INPP4A: variants seen among roughly 807,000 people sequenced by gnomAD.
INPP4A encodes inositol polyphosphate-4-phosphatase type I A, also known as inositol polyphosphate-4-phosphatase, type I, 107kD.
A neutral mutation model predicts 119.8 loss-of-function variants in INPP4A; 33 were observed. The ratio of observed to expected loss-of-function variants is 0.28; its 90% CI spans 0.21 to 0.37. INPP4A has a LOEUF of 0.37. INPP4A is among the 10% of genes least tolerant of loss of function. The pLI is 1.00. For synonymous variants in INPP4A, 496 were observed against 500.7 expected (o/e 0.99, Z 0.12); for missense variants, 956 against 1,289.9 (o/e 0.74, Z 3.97).
intron 1 of INPP4A, among the ~76,000 whole-genome samples, chr2:98,449,444 C>G (rs1280561430): frequency 6.6e-6 from 1 of 152,156 alleles, no homozygotes; most frequent in African/African-American, 2.4e-5. Flanking sequence ...TCAAATTATC[C>G]TAGATTTGGC....
chr2:98,589,134 T>C lies in INPP4A; in HGVS notation c.*1526T>C, dbSNP rs1378999520. On this transcript the variant is annotated 3_prime_UTR_variant, in exon 25 of 25. Coordinates refer to ENST00000409851, the MANE Select transcript of INPP4A (RefSeq NM_001134225.2). The stretch of plus-strand genomic sequence containing the variant: ...CTCCCGATGCCTGCAGGGAGGAAAA[T>C]GTCTGTGAAGGACACTTTAATGAAG... 1.1e-5 allele frequency: 2 copies of C among 178,756 alleles called. No individual in the cohort carries two copies. Among genetic ancestry groups the C allele is most frequent in the East Asian group, 1.9e-4 (2 of 10,720 alleles). 11.1% of individuals were successfully genotyped at this position (178,756 alleles called of 1,614,324 possible).
chr2:98,458,706 C>T (rs1036884819), intron 1 of INPP4A, among the ~76,000 whole-genome samples: 1 of 152,164 alleles, frequency 6.6e-6, no homozygotes, highest in Non-Finnish European at 1.5e-5. Context: ...GAATGGGATG[C>T]TGCACATTTT....
In INPP4A at chr2:98,593,246, T is replaced by A. The variant is rs1260641981; in HGVS notation, c.*5638T>A. The A allele has an allele frequency of 6.6e-6, 1 of 152,342 alleles. No homozygotes were observed. 9.4% of individuals were successfully genotyped at this position (152,342 alleles called of 1,614,324 possible). A position where few individuals can be genotyped will look rare whatever the true frequency, so the allele number is the denominator to read the frequency against. On this transcript the variant is annotated 3_prime_UTR_variant, in exon 25 of 25. Coordinates refer to ENST00000409851, the MANE Select transcript of INPP4A (RefSeq NM_001134225.2). Reference sequence around the variant, plus strand: ...AACAGAAAAAGCTGAGCAGACAGGGTAGGAAACACACTTGCATCTCCATGG... The same window carrying A: ...AACAGAAAAAGCTGAGCAGACAGGGAAGGAAACACACTTGCATCTCCATGG...
chr2:98,449,471 A>G (rs1303883881), intron 1 of INPP4A, among the ~76,000 whole-genome samples: 1 of 152,192 alleles, frequency 6.6e-6, no homozygotes, highest in African/African-American at 2.4e-5. Context: ...GAGTCCCTTC[A>G]GTCTGGCTTT....
rs539594779 is a variant in INPP4A at position 98,455,446 on chromosome 2, G to A, written c.-166+10361G>A. 9.9e-4 allele frequency among the ~76,000 whole-genome samples: 151 copies of A among 152,286 alleles called. 1 individual carries two copies. The highest frequency in any genetic ancestry group is 1.7e-3 in the Non-Finnish European group (118 of 68,018). The stretch of plus-strand genomic sequence containing the variant: ...GGATTGGCCTTAGGGACGACACCTT[G>A]CTGGTAGACTGTGCCCACCTCAGGT... On this transcript the variant is annotated intron_variant, in intron 1 of 24. Transcript: ENST00000409851.
intron 13 of INPP4A, chr2:98,549,018 T>A: frequency 1.3e-6 from 2 of 1,590,812 alleles, no homozygotes; most frequent in East Asian, 4.5e-5. Flanking sequence ...CTCGTCCTCA[T>A]GCAGAGAAAG....
chr2:98,583,326 CA>C (rs11348569), intron 24 of INPP4A, among the ~76,000 whole-genome samples: 39,558 of 148,916 alleles, frequency 0.27, 5,171 homozygotes, highest in Middle Eastern at 0.36. Flanking sequence ...GAAAAAATGC[CA>C]AAAAAAAAAG....
chr2:98,552,742 C>G (rs1365554491), intron 13 of INPP4A, 44 bp from the exon 14 acceptor site: 1 of 1,488,534 alleles, frequency 6.7e-7, no homozygotes, highest in South Asian at 1.1e-5. Flanking sequence ...TCATCCTTTT[C>G]AGATTCTGGA....
At chr2:98,457,052 G>T (rs958226925) in intron 1 of INPP4A, among the ~76,000 whole-genome samples, 4 of 152,204 alleles carry the variant, frequency 2.6e-5, no homozygotes, top group Non-Finnish European at 5.9e-5. Flanking sequence ...TGCATGGTAA[G>T]GAGCATTCAG....
rs372319251 is a variant in INPP4A at position 98,507,161 on chromosome 2, G to A, written c.-165-11803G>A. Among the ~76,000 whole-genome samples, 19 of 152,346 alleles carry A rather than the reference G, an allele frequency of 1.2e-4. No individual in the cohort carries two copies. The East Asian group carries it at 2.5e-3, about 20-fold the overall frequency. ...GGCCATTTCTGGCCTCAGGCTGGGTGACGGTAGAGGATGTAGTGTCAAGGT... is the reference window on the plus strand; with the variant it reads ...GGCCATTTCTGGCCTCAGGCTGGGTAACGGTAGAGGATGTAGTGTCAAGGT... On this transcript the variant is annotated intron_variant, in intron 1 of 24. Transcript: ENST00000409851.
intron 1 of INPP4A, among the ~76,000 whole-genome samples, chr2:98,447,784 AC>A (rs1694446822): frequency 6.6e-6 from 1 of 152,176 alleles, no homozygotes; most frequent in African/African-American, 2.4e-5. Flanking sequence ...GATATTCATA[AC>A]AGCAGTAATC....
chr2:98,534,059 G>C (rs1689738288), intron 5 of INPP4A, among the ~76,000 whole-genome samples: 1 of 152,080 alleles, frequency 6.6e-6, no homozygotes, highest in Non-Finnish European at 1.5e-5. Context: ...AGATTCTGCA[G>C]AGTTTTATTT....
chr2:98,484,144 A>G, intron 1 of INPP4A, among the ~76,000 whole-genome samples: 1 of 151,568 alleles, frequency 6.6e-6, no homozygotes, highest in East Asian at 1.9e-4. Context: ...GCATCACTCC[A>G]TGTTACCCCT....
In INPP4A at chr2:98,593,813, C is replaced by CCGGTCTGTATCAGTCT. The variant is rs369871648; in HGVS notation, c.*6206_*6207insGGTCTGTATCAGTCTC. On this transcript the variant is annotated 3_prime_UTR_variant, in exon 25 of 25. Transcript: ENST00000409851. ...CCCCAAGGCCTGGTCTGTATCAGTC[C>CCGGTCTGTATCAGTCT]CCTCGGATCTGGACCTCTCCTGAGC... The CCGGTCTGTATCAGTCT allele has an allele frequency of 3.9e-5, 6 of 152,256 alleles. No individual in the cohort carries two copies. The highest frequency in any genetic ancestry group is 1.3e-4 in the Admixed American group (2 of 15,282). The allele number at this position is 152,256 out of a possible 1,614,324, so 9.4% of individuals were successfully genotyped here. A position where few individuals can be genotyped will look rare whatever the true frequency, so the allele number is the denominator to read the frequency against.
At chr2:98,471,478 T>C (rs192416789) in intron 1 of INPP4A, among the ~76,000 whole-genome samples, 4 of 152,336 alleles carry the variant, frequency 2.6e-5, no homozygotes, top group Admixed American at 2.6e-4. Context: ...ATGTGGAATA[T>C]TTCTGTTAGA....
rs186721420 is a variant in INPP4A, at chr2:98,480,830, G to A, written c.-166+35745G>A. Among the ~76,000 whole-genome samples the A allele has an allele frequency of 5.3e-5, 8 of 152,344 alleles. No homozygotes were observed. In the East Asian group the frequency reaches 9.6e-4, roughly 18 times the overall value. On this transcript the variant is annotated intron_variant, in intron 1 of 24. Transcript: ENST00000409851. ...TTCTTGCCAGCTGCAGCCCCAGGGC[G>A]CGTGTGTCCGTCTCCGCAGCCAAAC...
chr2:98,524,248 C>T (rs1361897756), intron 4 of INPP4A, among the ~76,000 whole-genome samples: 1 of 144,246 alleles, frequency 6.9e-6, no homozygotes, highest in African/African-American at 2.5e-5. Context: ...TTTACCTCAA[C>T]AGCATTTATT....
At chr2:98,581,098 C>A (rs1242137445) in intron 24 of INPP4A, among the ~76,000 whole-genome samples, 1 of 152,174 alleles carries the variant, frequency 6.6e-6, no homozygotes, top group African/African-American at 2.4e-5. Flanking sequence ...CAGCTTTGGC[C>A]AAATCCTTTG....
intron 23 of INPP4A, among the ~76,000 whole-genome samples, chr2:98,575,116 CTTTT>C (rs1698196620): frequency 2.0e-5 from 3 of 152,226 alleles, no homozygotes; most frequent in African/African-American, 7.2e-5. Flanking sequence ...GCTCTTATTT[CTTTT>C]TGTTTGTGTG....
Sources: allele counts gnomAD v4.1 joint callset (sites outside exome capture counted in the v4.1 genomes callset), GRCh38; gene constraint gnomAD v4.1.1; transcripts MANE v1.5; gene names NCBI Gene and HGNC (gene_info 2026-07-23, HGNC 2026-07-21).